The following GOLGA4 variants were observed in gnomAD, a reference collection of about 807,000 sequenced individuals.
The protein encoded by GOLGA4 is golgin subfamily A member 4.
Under a neutral mutation model 265.9 loss-of-function variants are expected in GOLGA4, and 169 were observed. The observed-to-expected ratio is 0.64, with a 90% CI of 0.56 to 0.72. The LOEUF (loss-of-function observed/expected upper bound fraction) is 0.72. Among genes scored for constraint, GOLGA4 ranks in the 30% least tolerant of loss-of-function variants. GOLGA4 has a pLI of 0.00. For missense variants in GOLGA4, 2,482 were observed against 2,483.4 expected (o/e 1.00, Z 0.01); for synonymous variants, 923 against 855.8 (o/e 1.08, Z -1.37).
intron 16 of GOLGA4, among the ~76,000 whole-genome samples, chr3:37,331,051 G>C (rs1018277019): frequency 7.0e-6 from 1 of 143,464 alleles, no homozygotes; most frequent in Non-Finnish European, 1.5e-5. Flanking sequence ...AAAAAAAAAT[G>C]CAAGCCACAA....
chr3:37,243,417 C>G lies in GOLGA4; in HGVS notation c.-134C>G. The G allele has an allele frequency of 1.3e-6, 1 of 756,054 alleles. No individual in the cohort carries two copies. The highest frequency in any genetic ancestry group is 1.5e-5 in the South Asian group (1 of 67,924). The allele number at this position is 756,054 out of a possible 1,614,324, so 46.8% of individuals were successfully genotyped here. ...GAGTGTCCGGACTTGCCCACAGCCT[C>G]AAGGAGGAGACGGCGAGGCCCGGCC... On this transcript the variant is annotated 5_prime_UTR_variant, in exon 1 of 24. Coordinates refer to ENST00000361924, the MANE Select transcript of GOLGA4 (RefSeq NM_002078.5).
At chr3:37,258,133 C>A in intron 2 of GOLGA4, among the ~76,000 whole-genome samples, 2 of 135,094 alleles carry the variant, frequency 1.5e-5, no homozygotes, top group Non-Finnish European at 1.6e-5. Flanking sequence ...TATATATGCT[C>A]TGTATATATA....
chr3:37,351,915 C>T (rs1359915207), intron 21 of GOLGA4, among the ~76,000 whole-genome samples: 1 of 151,814 alleles, frequency 6.6e-6, no homozygotes, highest in Non-Finnish European at 1.5e-5. Context: ...AACTGAGAGT[C>T]ACAGGCTGCA....
intron 10 of GOLGA4, among the ~76,000 whole-genome samples, chr3:37,314,853 A>T (rs1216456786): frequency 2.0e-5 from 3 of 152,158 alleles, no homozygotes; most frequent in African/African-American, 7.2e-5. Flanking sequence ...AACTTATACA[A>T]ATAGTAAGTT....
intron 8 of GOLGA4, 78 bp from the exon 9 acceptor site, chr3:37,299,210 A>G (rs1035432011): frequency 1.2e-5 from 12 of 1,027,118 alleles, no homozygotes; most frequent in Non-Finnish European, 1.6e-5. Context: ...CATGTATATA[A>G]ATTAGATAAA....
At position 37,347,255 on chromosome 3, in the gene GOLGA4, C is replaced by A. The variant is rs1452583520; in HGVS notation, c.6535C>A (p.Arg2179=). The A allele has an allele frequency of 1.2e-6, 2 of 1,611,740 alleles. No individual in the cohort carries two copies. Among genetic ancestry groups the A allele is most frequent in the Non-Finnish European group, 1.7e-6 (2 of 1,178,382 alleles). The change falls in exon 21 of 24, where the codon CGA becomes AGA. Residue 2179 remains arginine (R), a synonymous_variant. Transcript: ENST00000361924. ...FGEPTEFEYL[R]KVLFEYMMGR... Reference sequence around the variant, plus strand: ...AGAACCTACCGAATTTGAGTATTTGCGAAAAGTGCTTTTTGAGTATATGAT... The same window carrying A: ...AGAACCTACCGAATTTGAGTATTTGAGAAAAGTGCTTTTTGAGTATATGAT...
intron 21 of GOLGA4, among the ~76,000 whole-genome samples, chr3:37,353,686 A>G (rs1409243256): frequency 6.6e-6 from 1 of 152,064 alleles, no homozygotes; most frequent in Non-Finnish European, 1.5e-5. Flanking sequence ...GACATGAGCC[A>G]TAACACCTGA....
intron 2 of GOLGA4, among the ~76,000 whole-genome samples, chr3:37,280,407 T>C (rs531421812): frequency 1.3e-5 from 2 of 152,332 alleles, no homozygotes; most frequent in East Asian, 1.9e-4. Context: ...AAATATGATA[T>C]AAAATTACCT....
chr3:37,357,734 TGAA>T (rs2097094365), intron 22 of GOLGA4, among the ~76,000 whole-genome samples: 1 of 152,208 alleles, frequency 6.6e-6, no homozygotes, highest in East Asian at 1.9e-4. Flanking sequence ...ACAAGTCTCT[TGAA>T]GAAATTTCAG....
At chr3:37,275,717 G>A (rs2096815503) in intron 2 of GOLGA4, 2 of 1,612,366 alleles carry the variant, frequency 1.2e-6, no homozygotes, top group South Asian at 2.2e-5. Context: ...GGTCCGCTTT[G>A]CCAAGAAGAT....
chr3:37,359,128 C>A (rs2097098006), intron 22 of GOLGA4, among the ~76,000 whole-genome samples: 1 of 152,130 alleles, frequency 6.6e-6, no homozygotes, highest in African/African-American at 2.4e-5. Context: ...TCCCTCCTCT[C>A]AATTTTTAGT....
chr3:37,274,689 T>C (rs2096809186), intron 2 of GOLGA4, among the ~76,000 whole-genome samples: 1 of 137,084 alleles, frequency 7.3e-6, no homozygotes, highest in African/African-American at 2.5e-5. Flanking sequence ...TGAGACCCTG[T>C]CTCAAGGAAA....
rs1348164527 is a variant in GOLGA4 at position 37,326,157 on chromosome 3, TGAGTA to T, written c.4272_4276del (p.Ser1425ArgfsTer7). 1 of 1,613,308 alleles carries T rather than the reference TGAGTA, an allele frequency of 6.2e-7. No homozygotes were observed. The highest frequency in any genetic ancestry group is 8.5e-7 in the Non-Finnish European group (1 of 1,179,532). The stretch of plus-strand genomic sequence containing the variant: ...GATTTATCTTTTAAAGTTGACACTC[TGAGTA>T]AAGAGAAAATTTCTGCTCTTGAGCA... On this transcript the variant is annotated frameshift_variant, in exon 14 of 24. Coordinates refer to ENST00000361924, the MANE Select transcript of GOLGA4 (RefSeq NM_002078.5). LOFTEE classifies it high-confidence loss of function.
At chr3:37,359,474 A>G (rs1439463457) in intron 22 of GOLGA4, among the ~76,000 whole-genome samples, 2 of 152,234 alleles carry the variant, frequency 1.3e-5, no homozygotes, top group African/African-American at 4.8e-5. Context: ...AGCAAAATGT[A>G]ATGACATAAA....
At position 37,366,243 on chromosome 3, in the gene GOLGA4, T is replaced by C; in HGVS notation, c.*197T>C. 1.9e-6 allele frequency: 1 copy of C among 529,130 alleles called. No individual in the cohort carries two copies. The allele number at this position is 529,130 out of a possible 1,614,324, so 32.8% of individuals were successfully genotyped here. ...GCCCACAGATAAGTTGCAGACTGCC[T>C]TTAAAATAGATTTTATCAGTGGAGA... is the stretch of plus-strand genomic sequence containing the variant. On this transcript the variant is annotated 3_prime_UTR_variant, in exon 24 of 24. Coordinates refer to ENST00000361924, the MANE Select transcript of GOLGA4 (RefSeq NM_002078.5).
chr3:37,365,225 T>A (rs1179682154), intron 23 of GOLGA4, among the ~76,000 whole-genome samples: 1 of 152,176 alleles, frequency 6.6e-6, no homozygotes, highest in Admixed American at 6.5e-5. Context: ...ATTTGTAGAA[T>A]AATCAGCACA....
intron 2 of GOLGA4, among the ~76,000 whole-genome samples, chr3:37,260,497 A>G (rs778003725): frequency 1.3e-5 from 2 of 152,076 alleles, no homozygotes; most frequent in African/African-American, 4.8e-5. Flanking sequence ...TTAGCTAGGT[A>G]TGTTGGCGGG....
At chr3:37,364,999 G>A (rs370050881) in intron 23 of GOLGA4, among the ~76,000 whole-genome samples, 1 of 151,906 alleles carries the variant, frequency 6.6e-6, no homozygotes, top group Admixed American at 6.6e-5. Context: ...AGGCTCAAGC[G>A]ATCCTCCTGC....
At chr3:37,262,760 AAAAC>A (rs144822423) in intron 2 of GOLGA4, among the ~76,000 whole-genome samples, 2,323 of 152,260 alleles carry the variant, frequency 0.015, 27 homozygotes, top group Non-Finnish European at 0.023. Flanking sequence ...TTAAAAAACA[AAAAC>A]AAACAGACAA....
Sources: allele counts gnomAD v4.1 joint callset (sites outside exome capture counted in the v4.1 genomes callset), GRCh38; gene constraint gnomAD v4.1.1; transcripts MANE v1.5; gene names NCBI Gene and HGNC (gene_info 2026-07-23, HGNC 2026-07-21).